The following ZFHX3 variants were observed in gnomAD, a reference collection of about 807,000 sequenced individuals.
ZFHX3 encodes zinc finger homeobox 3.
Under a neutral mutation model 279.1 loss-of-function variants are expected in ZFHX3, and 42 were observed. The observed-to-expected ratio is 0.15, with a 90% CI of 0.12 to 0.19. The LOEUF (loss-of-function observed/expected upper bound fraction) is 0.19. Ranked by LOEUF, ZFHX3 falls within the 10% of genes least tolerant of loss-of-function variation. The pLI, the probability that ZFHX3 is intolerant of heterozygous loss-of-function variation, is 1.00. For synonymous variants in ZFHX3, 2,293 were observed against 1,957.8 expected, an observed-to-expected ratio of 1.17 and a Z score of -4.52; for missense variants, 4,981 against 4,754.0, an observed-to-expected ratio of 1.05 and a Z score of -1.40.
chr16:73,403,097 C>T (rs1372948670), intron 3 of ZFHX3, among the ~76,000 whole-genome samples: 2 of 152,034 alleles, frequency 1.3e-5, no homozygotes, highest in Non-Finnish European at 1.5e-5. Context: ...CACGTGTGGG[C>T]GCACGGTCCA....
intron 4 of ZFHX3, among the ~76,000 whole-genome samples, chr16:72,844,221 T>C (rs539262400): frequency 1.3e-5 from 2 of 152,306 alleles, no homozygotes; most frequent in Admixed American, 6.5e-5. Context: ...AGCCAAGTAA[T>C]TGCTTTTTCC....
intron 3 of ZFHX3, among the ~76,000 whole-genome samples, chr16:73,404,740 C>A (rs1567473616): frequency 6.6e-6 from 1 of 152,144 alleles, no homozygotes. Flanking sequence ...TCAGGATGTC[C>A]CCGCGAGCCC....
At chr16:73,513,368 C>G (rs1700877931) in intron 2 of ZFHX3, among the ~76,000 whole-genome samples, 1 of 152,106 alleles carries the variant, frequency 6.6e-6, no homozygotes, top group Non-Finnish European at 1.5e-5. Flanking sequence ...TGAGAAGCTC[C>G]AGAACAGGAG....
chr16:73,381,809 C>T (rs1449043716), intron 3 of ZFHX3, among the ~76,000 whole-genome samples: 1 of 152,184 alleles, frequency 6.6e-6, no homozygotes, highest in African/African-American at 2.4e-5. Flanking sequence ...GCATAAATCT[C>T]AAAATGGTTA....
chr16:73,394,688 TA>T (rs1176695382), intron 3 of ZFHX3, among the ~76,000 whole-genome samples: 14 of 152,216 alleles, frequency 9.2e-5, no homozygotes, highest in Admixed American at 5.2e-4. Flanking sequence ...ACTGAAATTA[TA>T]AAAACTGGTA....
rs527561596 is a variant in ZFHX3 at position 72,958,229 on chromosome 16, G to A, written c.1917C>T (p.Gly639=). Residue 639 remains glycine (G), a synonymous_variant, in exon 2 of 10, where the codon GGC becomes GGT. Coordinates refer to ENST00000268489, the MANE Select transcript of ZFHX3 (RefSeq NM_006885.4). ...CCGTGTCGCATTTGGGGCACTCCAC[G>A]CCACTCCCCGAGGGGCACTCCCCAA... ...LGVGECPSGS[G]VECPKCDTVL... is the part of the protein sequence containing the mutation. The A allele has an allele frequency of 1.4e-4, 218 of 1,612,586 alleles. 3 individuals are homozygous for A. In the South Asian group the frequency reaches 2.1e-3, roughly 16 times the overall value.
chr16:73,248,309 G>A (rs921375210), intron 5 of ZFHX3, among the ~76,000 whole-genome samples: 9 of 151,734 alleles, frequency 5.9e-5, no homozygotes, highest in Admixed American at 5.9e-4. Context: ...TGATATGTGT[G>A]TGTGTATAAG....
At chr16:73,063,067 C>T (rs965915880), upstream of ZFHX3, among the ~76,000 whole-genome samples, 2 of 152,248 alleles carry the variant, frequency 1.3e-5, no homozygotes, top group African/African-American at 4.8e-5. Flanking sequence ...AGGCTTGCAG[C>T]GCCCGGCAGC....
chr16:73,857,939 T>C (rs1027899654), intron 1 of ZFHX3, among the ~76,000 whole-genome samples: 4 of 151,734 alleles, frequency 2.6e-5, no homozygotes, highest in East Asian at 1.9e-4. Flanking sequence ...AAACCGAAGA[T>C]ACAAAAATTA....
At chr16:73,884,333 A>T (rs2030277789) in intron 1 of ZFHX3, among the ~76,000 whole-genome samples, 1 of 152,170 alleles carries the variant, frequency 6.6e-6, no homozygotes, top group Non-Finnish European at 1.5e-5. Context: ...AGAAGTCCTG[A>T]AAAACTGTAG....
chr16:73,186,098 C>T (rs1425391983), intron 5 of ZFHX3, among the ~76,000 whole-genome samples: 2 of 152,198 alleles, frequency 1.3e-5, no homozygotes, highest in East Asian at 1.9e-4. Flanking sequence ...CCACATGGGA[C>T]CATCTAGTTG....
chr16:73,587,938 G>A (rs951991134), intron 2 of ZFHX3, among the ~76,000 whole-genome samples: 1 of 152,028 alleles, frequency 6.6e-6, no homozygotes, highest in Admixed American at 6.6e-5. Context: ...ACCAACCACA[G>A]AACAGAATAT....
intron 3 of ZFHX3, among the ~76,000 whole-genome samples, chr16:72,902,582 A>T (rs2039066105): frequency 6.6e-6 from 1 of 152,238 alleles, no homozygotes; most frequent in South Asian, 2.1e-4. Context: ...GTACCAAATT[A>T]GGTCTCACTG....
Position 73,335,525 on chromosome 16 carries a change from G to A in ZFHX3, c.-1290-17189C>T, listed in dbSNP as rs923149164. On this transcript the variant is annotated intron_variant, in intron 3 of 17. Coordinates refer to the ZFHX3 transcript ENST00000641206. ...AACCATCCACGGCTTTATAGTTAAAGCCATCAAAACAAACTCAGATACAAC... is the reference window on the plus strand; with the variant it reads ...AACCATCCACGGCTTTATAGTTAAAACCATCAAAACAAACTCAGATACAAC... 9.9e-5 allele frequency among the ~76,000 whole-genome samples: 15 copies of A among 152,262 alleles called. No homozygotes were observed. The South Asian group carries it at 3.1e-3, about 32-fold the overall frequency.
chr16:73,613,979 A>G (rs967203379), intron 2 of ZFHX3, among the ~76,000 whole-genome samples: 1 of 152,222 alleles, frequency 6.6e-6, no homozygotes, highest in Non-Finnish European at 1.5e-5. Flanking sequence ...ACTTTTCTTT[A>G]GATCCAAAGA....
intron 3 of ZFHX3, among the ~76,000 whole-genome samples, chr16:72,936,121 C>G (rs1960110437): frequency 6.6e-6 from 1 of 152,212 alleles, no homozygotes; most frequent in Non-Finnish European, 1.5e-5. Flanking sequence ...GTGTGTGAAG[C>G]TGATGGTAAA....
At chr16:73,495,968 G>A (rs769740168) in intron 2 of ZFHX3, among the ~76,000 whole-genome samples, 14 of 152,170 alleles carry the variant, frequency 9.2e-5, no homozygotes, top group Non-Finnish European at 1.9e-4. Context: ...CTGCAGAAAC[G>A]TAGAGCACGA....
At chr16:73,275,126 GT>G (rs1368379349) in intron 4 of ZFHX3, among the ~76,000 whole-genome samples, 1 of 152,120 alleles carries the variant, frequency 6.6e-6, no homozygotes, top group African/African-American at 2.4e-5. Flanking sequence ...GCCATTTCCT[GT>G]TTCGGGACAG....
At chr16:73,816,292 T>C (rs1465563461) in intron 1 of ZFHX3, among the ~76,000 whole-genome samples, 1 of 152,212 alleles carries the variant, frequency 6.6e-6, no homozygotes, top group African/African-American at 2.4e-5. Context: ...AATCTTAATG[T>C]ATAAGCTCCC....
Sources: gnomAD v4.1 joint callset for allele counts (sites outside exome capture counted in the v4.1 genomes callset) on GRCh38, gnomAD v4.1.1 for gene constraint, MANE v1.5 for transcripts, NCBI Gene and HGNC (gene_info 2026-07-23, HGNC 2026-07-21) for gene names.